Variants in APLF observed in about 807,000 individuals in gnomAD.
The protein encoded by APLF is aprataxin and PNK-like factor.
Under a neutral mutation model 55.6 loss-of-function variants are expected in APLF, and 61 were observed. The observed-to-expected ratio is 1.10, with a 90% CI of 0.89 to 1.36. The LOEUF (loss-of-function observed/expected upper bound fraction) is 1.36, where lower values mean the gene tolerates loss of function less well. Among genes scored for constraint, APLF ranks in the 40% most tolerant of loss-of-function variants. The pLI, the probability that APLF is intolerant of heterozygous loss-of-function variation, is 0.00. For synonymous variants in APLF, 207 were observed against 214.8 expected (o/e 0.96, Z 0.32); for missense variants, 611 against 602.5 (o/e 1.01, Z -0.15).
chr2:68,471,508 C>A (rs978633171), intron 1 of APLF, among the ~76,000 whole-genome samples: 10 of 152,140 alleles, frequency 6.6e-5, no homozygotes, highest in Non-Finnish European at 1.3e-4. Context: ...TACAACCTCA[C>A]ATGGGGACTG....
chr2:68,517,789 ATG>A (rs1182809723), intron 5 of APLF, among the ~76,000 whole-genome samples: 2 of 144,608 alleles, frequency 1.4e-5, no homozygotes, highest in Non-Finnish European at 1.5e-5. Context: ...CACTAATATA[ATG>A]TTAATATATA....
chr2:68,564,474 C>G (rs1209474464), intron 8 of APLF, among the ~76,000 whole-genome samples: 1 of 152,052 alleles, frequency 6.6e-6, no homozygotes, highest in East Asian at 1.9e-4. Flanking sequence ...GAGTGTCACA[C>G]TGACACAAGG....
intron 2 of APLF, among the ~76,000 whole-genome samples, chr2:68,494,746 A>G (rs972778743): frequency 2.6e-5 from 4 of 152,164 alleles, no homozygotes; most frequent in Admixed American, 1.3e-4. Flanking sequence ...AAGTGAGAAC[A>G]TGCAGTGTTT....
At chr2:68,526,757 G>T (rs570644053) in intron 6 of APLF, among the ~76,000 whole-genome samples, 61 of 152,130 alleles carry the variant, frequency 4.0e-4, no homozygotes, top group Non-Finnish European at 7.6e-4. Context: ...GTGCGATCTC[G>T]GCTCACTGCA....
At chr2:68,573,664 C>A (rs1671543894) in intron 9 of APLF, among the ~76,000 whole-genome samples, 1 of 141,684 alleles carries the variant, frequency 7.1e-6, no homozygotes, top group African/African-American at 2.8e-5. Context: ...CAAAGCGAGA[C>A]CTTGTCTCAA....
intron 1 of APLF, among the ~76,000 whole-genome samples, chr2:68,486,675 A>C (rs143997422): frequency 1.3e-5 from 2 of 152,266 alleles, no homozygotes; most frequent in Admixed American, 6.5e-5. Context: ...TTTACATTAC[A>C]TATGGGATGG....
At chr2:68,576,274 C>A (rs1051329653) in intron 9 of APLF, among the ~76,000 whole-genome samples, 1 of 152,112 alleles carries the variant, frequency 6.6e-6, no homozygotes, top group African/African-American at 2.4e-5. Flanking sequence ...ATTCCCTTTC[C>A]CGACTGCAAA....
At chr2:68,517,642 CTAATA>C (rs889419679) in intron 5 of APLF, among the ~76,000 whole-genome samples, 8 of 143,470 alleles carry the variant, frequency 5.6e-5, no homozygotes, top group African/African-American at 7.6e-5. Flanking sequence ...CAATATATCA[CTAATA>C]TATGTTATTA....
chr2:68,515,982 G>A (rs1021538269), intron 5 of APLF, among the ~76,000 whole-genome samples: 4 of 151,642 alleles, frequency 2.6e-5, no homozygotes, highest in Admixed American at 6.6e-5. Context: ...AAATTAATTC[G>A]CAGGATGCAT....
At chr2:68,549,012 T>A (rs1433188385) in intron 8 of APLF, among the ~76,000 whole-genome samples, 3 of 152,052 alleles carry the variant, frequency 2.0e-5, no homozygotes, top group Non-Finnish European at 4.4e-5. Context: ...ACCACAACAC[T>A]GTTATTAAAT....
intron 6 of APLF, chr2:68,535,395 T>G (rs545065246): frequency 8.4e-6 from 3 of 355,118 alleles, no homozygotes; most frequent in African/African-American, 6.7e-5. Flanking sequence ...TTTGTATCCT[T>G]CTAACTCTTT....
intron 2 of APLF, among the ~76,000 whole-genome samples, chr2:68,497,984 C>A (rs1055770611): frequency 6.7e-6 from 1 of 150,000 alleles, no homozygotes; most frequent in Non-Finnish European, 1.5e-5. Flanking sequence ...TGCCCATTAT[C>A]TTGAAATAGA....
intron 8 of APLF, chr2:68,563,255 T>G: frequency 1.0e-6 from 1 of 985,282 alleles, no homozygotes; most frequent in Non-Finnish European, 1.2e-6. Context: ...GATGAAAACC[T>G]GTACATGTAC....
At chr2:68,557,050 A>G (rs1475506660) in intron 8 of APLF, among the ~76,000 whole-genome samples, 1 of 152,142 alleles carries the variant, frequency 6.6e-6, no homozygotes, top group Non-Finnish European at 1.5e-5. Flanking sequence ...AAGTTGTTGT[A>G]ATGTTATCTT....
At chr2:68,511,613 C>G (rs1364356127) in intron 3 of APLF, among the ~76,000 whole-genome samples, 16 of 151,418 alleles carry the variant, frequency 1.1e-4, no homozygotes, top group Non-Finnish European at 1.6e-4. Flanking sequence ...AATCATCAAA[C>G]TACTATTGAA....
chr2:68,552,512 A>C (rs750010204), intron 8 of APLF, among the ~76,000 whole-genome samples: 2 of 152,174 alleles, frequency 1.3e-5, no homozygotes, highest in Non-Finnish European at 2.9e-5. Context: ...TAGATAATCT[A>C]AAATTTTCAT....
intron 8 of APLF, among the ~76,000 whole-genome samples, chr2:68,562,736 C>G (rs902964403): frequency 6.6e-6 from 1 of 151,926 alleles, no homozygotes; most frequent in Non-Finnish European, 1.5e-5. Context: ...AAGTACTCCC[C>G]TAGAGTAGAA....
chr2:68,526,116 A>T lies in APLF; in HGVS notation c.678A>T (p.Leu226=). The change falls in exon 6 of 10, where the codon CTA becomes CTT. Residue 226 remains leucine (L), a synonymous_variant. Transcript: ENST00000303795. The part of the protein sequence containing the change: ...KEEICKDKSQ[L]NTTQQGRRQL... The stretch of plus-strand genomic sequence containing the variant: ...AAATCTGCAAAGATAAATCCCAGCT[A>T]AACACAACCCAGCAAGGAAGAAGGC... The T allele has an allele frequency of 6.2e-7, 1 of 1,613,962 alleles. No homozygotes were observed. The highest frequency in any genetic ancestry group is 8.5e-7 in the Non-Finnish European group (1 of 1,179,984).
In APLF at chr2:68,545,408, T is replaced by A. The variant is rs1670678402; in HGVS notation, c.1286+96T>A. On this transcript the variant is annotated intron_variant, in intron 8 of 9. Coordinates refer to ENST00000303795, the MANE Select transcript of APLF (RefSeq NM_173545.3). The stretch of plus-strand genomic sequence containing the variant: ...CAGCAGCTTGTTATCTCAAGCCTTT[T>A]AATTTTCATTTTTAAACTTCTGTAG... 5.0e-6 allele frequency: 7 copies of A among 1,395,036 alleles called. No homozygotes were observed. The South Asian group carries it at 1.3e-4, about 26-fold the overall frequency. The allele number at this position is 1,395,036 out of a possible 1,614,324, so 86.4% of individuals were successfully genotyped here. A position where few individuals can be genotyped will look rare whatever the true frequency, so the allele number is the denominator to read the frequency against.
Sources: allele counts gnomAD v4.1 joint callset (sites outside exome capture counted in the v4.1 genomes callset), GRCh38; gene constraint gnomAD v4.1.1; transcripts MANE v1.5; gene names NCBI Gene and HGNC (gene_info 2026-07-23, HGNC 2026-07-21).